The following HSPA5 variants were observed in gnomAD, a reference collection of about 807,000 sequenced individuals.
The protein encoded by HSPA5 is heat shock protein family A (Hsp70) member 5.
Under a neutral mutation model 49.5 loss-of-function variants are expected in HSPA5, and 16 were observed. The observed-to-expected ratio is 0.32, with a 90% CI of 0.22 to 0.49. HSPA5 has a LOEUF of 0.49. HSPA5 is among the 20% of genes least tolerant of loss of function. The pLI is 0.99. For synonymous variants in HSPA5, 271 were observed against 307.2 expected (o/e 0.88, Z 1.23); for missense variants, 376 against 819.0 (o/e 0.46, Z 6.60).
In HSPA5 at chr9:125,240,821, G is replaced by A. The variant is rs746836983; in HGVS notation, c.209C>T (p.Pro70Leu). Residue 70 changes from proline to leucine, a missense_variant, in exon 2 of 8, where the codon CCT becomes CTT. By Grantham distance (98) the Pro-to-Leu change is moderately conservative (BLOSUM62 -3). Coordinates refer to ENST00000324460, the MANE Select transcript of HSPA5 (RefSeq NM_005347.5). This position sits in a 1 kb window ranked among gnomAD's most constrained non-coding sequence, Gnocchi z 4.4. ...RITPSYVAFTPEGERLIGDAA... is the reference protein window; with the variant it reads ...RITPSYVAFTLEGERLIGDAA... ...ATCGCCAATCAGACGTTCCCCTTCA[G>A]GAGTGAAGGCGACATAGGACGGCGT... is the stretch of plus-strand genomic sequence containing the variant. The A allele has an allele frequency of 6.2e-7, 1 of 1,614,220 alleles. No homozygotes were observed. The highest frequency in any genetic ancestry group is 1.1e-5 in the South Asian group (1 of 91,090).
chr9:125,235,736 A>G lies in HSPA5; in HGVS notation c.*856T>C, dbSNP rs1832481317. On this transcript the variant is annotated 3_prime_UTR_variant, in exon 8 of 8. Transcript: ENST00000324460. ...GGTTCACAATATACCTTTACATCCT[A>G]AAGTTACAAATGAAATCCAAGTGTA... 6.6e-6 allele frequency: 1 copy of G among 152,106 alleles called. No homozygotes were observed. Among genetic ancestry groups the G allele is most frequent in the African/African-American group, 2.4e-5 (1 of 41,432 alleles). The allele number at this position is 152,106 out of a possible 1,614,324, so 9.4% of individuals were successfully genotyped here. A position where few individuals can be genotyped will look rare whatever the true frequency, so the allele number is the denominator to read the frequency against.
rs1166689685 is a variant in HSPA5 at position 125,239,854 on chromosome 9, G to C, written c.492+318C>G. On this transcript the variant is annotated intron_variant, in intron 3 of 7. Transcript: ENST00000324460. The surrounding 1 kb of genome is among the most constrained non-coding windows in gnomAD (Gnocchi z 5.5). Reference sequence around the variant, plus strand: ...AGTGAGCTGAGATCGTGCCACTGCAGTCCAGCCTGGGCAACAGAGCAAGAC... The same window carrying C: ...AGTGAGCTGAGATCGTGCCACTGCACTCCAGCCTGGGCAACAGAGCAAGAC... Among the ~76,000 whole-genome samples the C allele has an allele frequency of 2.6e-5, 4 of 151,692 alleles. No homozygotes were observed. The East Asian group carries it at 7.7e-4, about 29-fold the overall frequency.
intron 6 of HSPA5, 38 bp downstream of exon 6, chr9:125,238,552 A>T: frequency 6.7e-7 from 1 of 1,494,830 alleles, no homozygotes; most frequent in Non-Finnish European, 9.3e-7. Context: ...CCATCAAGCT[A>T]CTGAATCACT....
chr9:125,236,382 G>C lies in HSPA5; in HGVS notation c.*210C>G. 1 of 480,376 alleles carries C rather than the reference G, an allele frequency of 2.1e-6. No homozygotes were observed. Among genetic ancestry groups the C allele is most frequent in the Non-Finnish European group, 3.6e-6 (1 of 274,774 alleles). The allele number at this position is 480,376 out of a possible 1,614,324, so 29.8% of individuals were successfully genotyped here. ...CCCAGGTTTTTTACCCGCTTTTTAA[G>C]ATGGCCAATTCTTCTTCTCCCCCCC... On this transcript the variant is annotated 3_prime_UTR_variant, in exon 8 of 8. Transcript: ENST00000324460.
Position 125,240,904 on chromosome 9 carries a change from G to T in HSPA5, c.126C>A (p.Val42=). Residue 42 remains valine (V), a synonymous_variant, in exon 2 of 8, where the codon GTC becomes GTA. Transcript: ENST00000324460. This position sits in a 1 kb window ranked among gnomAD's most constrained non-coding sequence, Gnocchi z 4.4. ...CCACGCGGCCGTTCTTGAACACGCC[G>T]ACGCTGGCAGAAAAACCCGACAGAG... The part of the protein sequence containing the change: ...GIDLGTTYSC[V]GVFKNGRVEI... 1.9e-6 allele frequency: 3 copies of T among 1,613,930 alleles called. No homozygotes were observed. Among genetic ancestry groups the T allele is most frequent in the Non-Finnish European group, 2.5e-6 (3 of 1,179,796 alleles).
chr9:125,238,050 C>A, intron 7 of HSPA5, 91 bp downstream of exon 7: 1 of 966,160 alleles, frequency 1.0e-6, no homozygotes, highest in Non-Finnish European at 1.6e-6. Context: ...TGCAGTGAGC[C>A]GAGATCGTGC....
Position 125,236,965 on chromosome 9 carries a change from T to G in HSPA5, c.1592A>C (p.Asn531Thr), listed in dbSNP as rs779151361. 6.2e-7 allele frequency: 1 copy of G among 1,614,018 alleles called. No homozygotes were observed. The highest frequency in any genetic ancestry group is 8.5e-7 in the Non-Finnish European group (1 of 1,179,878). The change falls in exon 8 of 8, where the codon AAT becomes ACT. Residue 531 changes from asparagine (N) to threonine (T), a missense_variant. Asn to Thr is a moderately conservative substitution (Grantham distance 65). Coordinates refer to ENST00000324460, the MANE Select transcript of HSPA5 (RefSeq NM_005347.5). Reference protein sequence around the residue: ...KNKITITNDQNRLTPEEIERM... With the variant: ...KNKITITNDQTRLTPEEIERM... ...TTCGATTTCTTCAGGTGTCAGGCGA[T>G]TCTGGTCATTGGTGATTGTGATCTT...
rs947757318 is a variant in HSPA5, at chr9:125,239,540, G to A, written c.493-7C>T. 3 of 1,589,804 alleles carry A rather than the reference G, an allele frequency of 1.9e-6. No homozygotes were observed. Among genetic ancestry groups the A allele is most frequent in the East Asian group, 2.2e-5 (1 of 44,794 alleles). On this transcript the variant is annotated splice_polypyrimidine_tract_variant and splice_region_variant and intron_variant, in intron 3 of 7. Coordinates refer to ENST00000324460, the MANE Select transcript of HSPA5 (RefSeq NM_005347.5). This position sits in a 1 kb window ranked among gnomAD's most constrained non-coding sequence, Gnocchi z 5.5. ...TAACAACTGCATGGGTAACCTAAAA[G>A]GATAAAAGATAATTAAGTGTATTGT...
In HSPA5 at chr9:125,240,046, C is replaced by T; in HGVS notation, c.492+126G>A. 3.2e-6 allele frequency: 2 copies of T among 617,594 alleles called. No homozygotes were observed. Among genetic ancestry groups the T allele is most frequent in the East Asian group, 2.8e-5 (1 of 35,636 alleles). The allele number at this position is 617,594 out of a possible 1,614,324, so 38.3% of individuals were successfully genotyped here. A position where few individuals can be genotyped will look rare whatever the true frequency, so the allele number is the denominator to read the frequency against. On this transcript the variant is annotated intron_variant, in intron 3 of 7. Coordinates refer to ENST00000324460, the MANE Select transcript of HSPA5 (RefSeq NM_005347.5). The surrounding 1 kb of genome is among the most constrained non-coding windows in gnomAD (Gnocchi z 4.4). ...TATAGTAAGGGACTCAATAATTAAA[C>T]CTGACAAGCATGAATACCATTCTGA...
Position 125,235,129 on chromosome 9 carries a change from C to T in HSPA5, c.*1463G>A, listed in dbSNP as rs1351093458. 2 of 152,058 alleles carry T rather than the reference C, an allele frequency of 1.3e-5. No homozygotes were observed. The highest frequency in any genetic ancestry group is 2.9e-5 in the Non-Finnish European group (2 of 68,056). The allele number at this position is 152,058 out of a possible 1,614,324, so 9.4% of individuals were successfully genotyped here. On this transcript the variant is annotated 3_prime_UTR_variant, in exon 8 of 8. Coordinates refer to ENST00000324460, the MANE Select transcript of HSPA5 (RefSeq NM_005347.5). ...CTAATTAAGAGTTTGGTGTTGGGAT[C>T]CAGTTCTACTAGCCCTAGAGAATTA...
rs1477082524 is a variant in HSPA5, at chr9:125,240,859, C to T, written c.171G>A (p.Gln57=). ...NGRVEIIAND[Q]GNRITPSYVA... is the part of the protein sequence containing the mutation. ...CATAGGACGGCGTGATGCGGTTGCC[C>T]TGATCGTTGGCGATGATCTCCACGC... is the stretch of plus-strand genomic sequence containing the variant. Residue 57 remains glutamine (Q), a synonymous_variant, in exon 2 of 8, where the codon CAG becomes CAA. Transcript: ENST00000324460. The surrounding 1 kb of genome is among the most constrained non-coding windows in gnomAD (Gnocchi z 4.4). 1 of 1,614,112 alleles carries T rather than the reference C, an allele frequency of 6.2e-7. No individual in the cohort carries two copies. Among genetic ancestry groups the T allele is most frequent in the East Asian group, 2.2e-5 (1 of 44,894 alleles).
chr9:125,239,637 G>T lies in HSPA5; in HGVS notation c.493-104C>A. ...CTTCTGCCTATAATCCCAGCACTTT[G>T]GGAGGCTGAGGCAGGAGGATCACCT... On this transcript the variant is annotated intron_variant, in intron 3 of 7. Transcript: ENST00000324460. The surrounding 1 kb of genome is among the most constrained non-coding windows in gnomAD (Gnocchi z 5.5). The T allele has an allele frequency of 1.2e-6, 1 of 848,102 alleles. No individual in the cohort carries two copies. Among genetic ancestry groups the T allele is most frequent in the South Asian group, 1.5e-5 (1 of 68,224 alleles). 52.5% of individuals were successfully genotyped at this position (848,102 alleles called of 1,614,324 possible).
In HSPA5 at chr9:125,241,297, G is replaced by A. The variant is rs2131455650; in HGVS notation, c.-171C>T. On this transcript the variant is annotated 5_prime_UTR_variant, in exon 1 of 8. Transcript: ENST00000324460. ...CGCGGCGCTTCCCTCTCACACTCGC[G>A]AAACACCCCAATAGGTCAATCTGTC... 4 of 704,996 alleles carry A rather than the reference G, an allele frequency of 5.7e-6. No individual in the cohort carries two copies. The highest frequency in any genetic ancestry group is 1.8e-5 in the South Asian group (1 of 54,268). 43.7% of individuals were successfully genotyped at this position (704,996 alleles called of 1,614,324 possible).
chr9:125,240,641 C>G lies in HSPA5; in HGVS notation c.354+35G>C. The stretch of plus-strand genomic sequence containing the variant: ...ACTCTAAATACTCCCACCACCCACC[C>G]GTTCTCTAACTGGATGAGAAAAACC... On this transcript the variant is annotated intron_variant, in intron 2 of 7. Transcript: ENST00000324460. This position sits in a 1 kb window ranked among gnomAD's most constrained non-coding sequence, Gnocchi z 4.4. 2.6e-6 allele frequency: 4 copies of G among 1,546,608 alleles called. No homozygotes were observed. In the South Asian group the frequency reaches 4.5e-5, roughly 17 times the overall value.
chr9:125,240,122 G>T lies in HSPA5; in HGVS notation c.492+50C>A. The T allele has an allele frequency of 6.8e-7, 1 of 1,473,674 alleles. No individual in the cohort carries two copies. 91.3% of individuals were successfully genotyped at this position (1,473,674 alleles called of 1,614,324 possible). A position where few individuals can be genotyped will look rare whatever the true frequency, so the allele number is the denominator to read the frequency against. ...AGGCTTCTATACATAACAGCCAACC[G>T]AGAATACTAATGATCAAAAAATACT... is the stretch of plus-strand genomic sequence containing the variant. On this transcript the variant is annotated intron_variant, in intron 3 of 7. Coordinates refer to ENST00000324460, the MANE Select transcript of HSPA5 (RefSeq NM_005347.5). The surrounding 1 kb of genome is among the most constrained non-coding windows in gnomAD (Gnocchi z 4.4).
chr9:125,235,501 G>C lies in HSPA5; in HGVS notation c.*1091C>G, dbSNP rs1832476427. 6.6e-6 allele frequency: 1 copy of C among 151,970 alleles called. No homozygotes were observed. Among genetic ancestry groups the C allele is most frequent in the African/African-American group, 2.4e-5 (1 of 41,382 alleles). The allele number at this position is 151,970 out of a possible 1,614,324, so 9.4% of individuals were successfully genotyped here. On this transcript the variant is annotated 3_prime_UTR_variant, in exon 8 of 8. Transcript: ENST00000324460. The stretch of plus-strand genomic sequence containing the variant: ...AATATTGGATTTTATGTTAGCACCA[G>C]CCTGTCCTTTATTGATCATACCATT...
rs1768927001 is a variant in HSPA5 at position 125,236,527 on chromosome 9, A to AT, written c.*64dup. The AT allele has an allele frequency of 8.3e-7, 1 of 1,202,902 alleles. No homozygotes were observed. Among genetic ancestry groups the AT allele is most frequent in the South Asian group, 1.5e-5 (1 of 65,088 alleles). 74.5% of individuals were successfully genotyped at this position (1,202,902 alleles called of 1,614,324 possible). A position where few individuals can be genotyped will look rare whatever the true frequency, so the allele number is the denominator to read the frequency against. On this transcript the variant is annotated 3_prime_UTR_variant, in exon 8 of 8. Coordinates refer to ENST00000324460, the MANE Select transcript of HSPA5 (RefSeq NM_005347.5). ...TACATTCGAGACTTAAGTTCTTTCA[A>AT]TTTTTTCCTAACAAAAGTTCCTGAG... is the stretch of plus-strand genomic sequence containing the variant.
chr9:125,241,097 C>T lies in HSPA5; in HGVS notation c.30G>A (p.Leu10=), dbSNP rs749306008. The change falls in exon 1 of 8, where the codon CTG becomes CTA. Residue 10 remains leucine, a synonymous_variant. Transcript: ENST00000324460. ...CGGCCCGCGCCGCGCTGAGCAGCAG[C>T]AGCATCGCGGCCACCAGGGAGAGCT... MKLSLVAAM[L]LLLSAARAEE... is the part of the protein sequence containing the mutation. 1 of 1,613,152 alleles carries T rather than the reference C, an allele frequency of 6.2e-7. No homozygotes were observed. The highest frequency in any genetic ancestry group is 1.3e-5 in the African/African-American group (1 of 74,940).
At chr9:125,237,306 G>A (rs1332569383) in intron 7 of HSPA5, 152 bp from the exon 8 acceptor site, 1 of 617,222 alleles carries the variant, frequency 1.6e-6, no homozygotes, top group Non-Finnish European at 2.9e-6. Flanking sequence ...GCAGCAACTA[G>A]TACTAACAAT....
Sources: gnomAD v4.1 joint callset for allele counts (sites outside exome capture counted in the v4.1 genomes callset) on GRCh38, gnomAD v4.1.1 for gene constraint, Gnocchi (gnomAD v3.1) non-coding constraint, MANE v1.5 for transcripts, NCBI Gene and HGNC (gene_info 2026-07-23, HGNC 2026-07-21) for gene names.